Variants in LYPD6 observed in about 807,000 individuals in gnomAD.
LYPD6 encodes the protein ly6/PLAUR domain-containing protein 6.
In LYPD6, 15 loss-of-function variants were observed where a neutral mutation model predicts 22.7. That is an observed-to-expected ratio of 0.66 (90% CI 0.44 to 1.02). The LOEUF (loss-of-function observed/expected upper bound fraction) is 1.02, where lower values mean the gene tolerates loss of function less well. LYPD6 is among the 50% of genes least tolerant of loss of function. The pLI, the probability that LYPD6 is intolerant of heterozygous loss-of-function variation, is 0.00. For synonymous variants in LYPD6, 72 were observed against 77.5 expected (o/e 0.93, Z 0.37); for missense variants, 189 against 208.4 (o/e 0.91, Z 0.57).
intron 1 of LYPD6, among the ~76,000 whole-genome samples, chr2:149,433,584 G>A (rs1039800175): frequency 2.6e-5 from 4 of 152,212 alleles, no homozygotes; most frequent in Non-Finnish European, 4.4e-5. Flanking sequence ...GCTTCAAGCA[G>A]CAATTGTAGC....
intron 1 of LYPD6, among the ~76,000 whole-genome samples, chr2:149,413,739 A>T (rs1261870592): frequency 6.6e-6 from 1 of 152,186 alleles, no homozygotes; most frequent in Non-Finnish European, 1.5e-5. Context: ...GTCATTAGAA[A>T]AGTGAAGTTC....
chr2:149,347,821 C>T (rs1040742122), intron 1 of LYPD6, among the ~76,000 whole-genome samples: 1 of 152,034 alleles, frequency 6.6e-6, no homozygotes, highest in Non-Finnish European at 1.5e-5. Context: ...TTTAACATGT[C>T]CAACTATTTA....
At chr2:149,450,369 A>G (rs1683779973) in intron 3 of LYPD6, among the ~76,000 whole-genome samples, 1 of 152,216 alleles carries the variant, frequency 6.6e-6, no homozygotes. Flanking sequence ...TTGAGCCAGC[A>G]TTTCTGAGAT....
intron 1 of LYPD6, among the ~76,000 whole-genome samples, chr2:149,376,370 C>G (rs1159622966): frequency 6.6e-6 from 1 of 152,126 alleles, no homozygotes; most frequent in African/African-American, 2.4e-5. Flanking sequence ...GTCCCTCACC[C>G]ACGCCATTCT....
intron 1 of LYPD6, among the ~76,000 whole-genome samples, chr2:149,403,130 T>C (rs1682601227): frequency 6.6e-6 from 1 of 152,140 alleles, no homozygotes; most frequent in African/African-American, 2.4e-5. Context: ...CAGTCTATCA[T>C]TGTTGGACAT....
chr2:149,428,072 G>A (rs1683224349), intron 1 of LYPD6, among the ~76,000 whole-genome samples: 1 of 152,170 alleles, frequency 6.6e-6, no homozygotes, highest in African/African-American at 2.4e-5. Context: ...TCTCCCTCTA[G>A]GTGTAGAATA....
intron 1 of LYPD6, among the ~76,000 whole-genome samples, chr2:149,416,043 T>C (rs1346630238): frequency 6.6e-6 from 1 of 152,100 alleles, no homozygotes; most frequent in Non-Finnish European, 1.5e-5. Flanking sequence ...TTGCCACAGT[T>C]GTGCCTTACA....
intron 3 of LYPD6, among the ~76,000 whole-genome samples, chr2:149,453,919 A>G (rs917469036): frequency 1.3e-5 from 2 of 152,150 alleles, no homozygotes; most frequent in East Asian, 3.9e-4. Flanking sequence ...AACGCCTTGC[A>G]ATTTATTATG....
chr2:149,462,615 T>G (rs968908632), intron 3 of LYPD6, among the ~76,000 whole-genome samples: 7 of 151,738 alleles, frequency 4.6e-5, no homozygotes, highest in African/African-American at 1.7e-4. Flanking sequence ...AAAACGATTT[T>G]GAAAAAGAAG....
intron 1 of LYPD6, among the ~76,000 whole-genome samples, chr2:149,378,614 C>T (rs1439386217): frequency 1.3e-5 from 2 of 152,108 alleles, no homozygotes; most frequent in East Asian, 1.9e-4. Context: ...TTGTACAGAT[C>T]GTTTAAATGA....
At chr2:149,376,811 T>C (rs905344213) in intron 1 of LYPD6, among the ~76,000 whole-genome samples, 7 of 152,228 alleles carry the variant, frequency 4.6e-5, no homozygotes, top group Non-Finnish European at 7.3e-5. Context: ...AAAGCTCACA[T>C]GTAACCATTG....
intron 1 of LYPD6, among the ~76,000 whole-genome samples, chr2:149,336,928 CGT>C (rs1553513649): frequency 6.7e-5 from 10 of 148,444 alleles, no homozygotes; most frequent in Admixed American, 4.7e-4. Flanking sequence ...GTTGAAATAA[CGT>C]GTGTGTGTGT....
At chr2:149,408,993 T>C (rs2105119847) in intron 1 of LYPD6, among the ~76,000 whole-genome samples, 1 of 152,326 alleles carries the variant, frequency 6.6e-6, no homozygotes, top group South Asian at 2.1e-4. Flanking sequence ...TTTTGTCATA[T>C]TACCAGAATT....
intron 1 of LYPD6, among the ~76,000 whole-genome samples, chr2:149,388,578 G>T (rs1682240751): frequency 6.6e-6 from 1 of 151,918 alleles, no homozygotes; most frequent in African/African-American, 2.4e-5. Flanking sequence ...ACATGTCTGG[G>T]TGTTAGTTAA....
At chr2:149,447,926 A>G (rs1683723710) in intron 2 of LYPD6, among the ~76,000 whole-genome samples, 1 of 152,236 alleles carries the variant, frequency 6.6e-6, no homozygotes, top group South Asian at 2.1e-4. Context: ...CCTTGAGGCC[A>G]GGAGTTTGAG....
chr2:149,434,946 G>A (rs1683397327), intron 1 of LYPD6, among the ~76,000 whole-genome samples: 1 of 152,212 alleles, frequency 6.6e-6, no homozygotes, highest in African/African-American at 2.4e-5. Context: ...AAAACATGCA[G>A]TGGGCTGAAA....
intron 1 of LYPD6, among the ~76,000 whole-genome samples, chr2:149,331,345 G>GT (rs1680934702): frequency 6.6e-6 from 1 of 152,196 alleles, no homozygotes; most frequent in Non-Finnish European, 1.5e-5. Context: ...TTTCTCTCCG[G>GT]TAACAGCAGT....
intron 1 of LYPD6, among the ~76,000 whole-genome samples, chr2:149,394,987 C>T (rs1385690472): frequency 2.0e-5 from 3 of 152,138 alleles, no homozygotes; most frequent in Non-Finnish European, 4.4e-5. Flanking sequence ...AACATATATT[C>T]TCTGTATGTT....
intron 1 of LYPD6, among the ~76,000 whole-genome samples, chr2:149,405,762 T>C (rs1356912054): frequency 1.3e-5 from 2 of 151,418 alleles, no homozygotes; most frequent in Non-Finnish European, 1.5e-5. Context: ...TAGTTATTTC[T>C]TGCCTTCTGC....
Sources: gnomAD v4.1 joint callset for allele counts (sites outside exome capture counted in the v4.1 genomes callset) on GRCh38, gnomAD v4.1.1 for gene constraint, MANE v1.5 for transcripts, NCBI Gene and HGNC (gene_info 2026-07-23, HGNC 2026-07-21) for gene names.